The following ZDHHC18 variants were observed in gnomAD, a reference collection of about 807,000 sequenced individuals.
ZDHHC18 encodes zDHHC palmitoyltransferase 18.
Under a neutral mutation model 37.5 loss-of-function variants are expected in ZDHHC18, and 23 were observed. The observed-to-expected ratio is 0.61, with a 90% CI of 0.44 to 0.87. The LOEUF (loss-of-function observed/expected upper bound fraction) is 0.87. Among genes scored for constraint, ZDHHC18 ranks in the 40% least tolerant of loss-of-function variants. The probability of loss-of-function intolerance (pLI) is 0.00; values close to 1 mark genes in which losing one functional copy is unlikely to be tolerated. For missense variants in ZDHHC18, 406 were observed against 525.6 expected (o/e 0.77, Z 2.22); for synonymous variants, 185 against 218.7 (o/e 0.85, Z 1.36).
At chr1:26,828,980 C>A (rs1463009730) in intron 1 of ZDHHC18, among the ~76,000 whole-genome samples, 4 of 152,198 alleles carry the variant, frequency 2.6e-5, no homozygotes, top group African/African-American at 9.7e-5. Context: ...GAAGCAGGAC[C>A]TTCTCTGGGT....
intron 2 of ZDHHC18, among the ~76,000 whole-genome samples, chr1:26,834,478 T>TG (rs554155709): frequency 7.0e-4 from 107 of 152,340 alleles, no homozygotes; most frequent in East Asian, 2.1e-3. Flanking sequence ...CTTCATCCTC[T>TG]TCTCCACTTG....
chr1:26,832,182 G>T, intron 1 of ZDHHC18: 3 of 453,712 alleles, frequency 6.6e-6, no homozygotes. Flanking sequence ...GGATGCAGAG[G>T]TTAGGAGTGC....
intron 2 of ZDHHC18, among the ~76,000 whole-genome samples, chr1:26,839,774 T>G (rs1346502609): frequency 6.6e-6 from 1 of 152,198 alleles, no homozygotes; most frequent in Non-Finnish European, 1.5e-5. Context: ...CTCCAGGTGC[T>G]AACAAGCTGC....
rs376460466 is a variant in ZDHHC18 at position 26,827,825 on chromosome 1, GT to G, written c.335+688del. Among the ~76,000 whole-genome samples, 217 of 151,968 alleles carry G rather than the reference GT, an allele frequency of 1.4e-3. 2 individuals are homozygous for G. The East Asian group carries it at 0.027, about 19-fold the overall frequency. ...TTTCCTTCTCCAGAACCTTCCTTAGGTTCTCCAGAGCTTCCTGTCCTTCCCT... is the reference window on the plus strand; with the variant it reads ...TTTCCTTCTCCAGAACCTTCCTTAGGTCTCCAGAGCTTCCTGTCCTTCCCT... On this transcript the variant is annotated intron_variant, in intron 1 of 7. Coordinates refer to ENST00000374142, the MANE Select transcript of ZDHHC18 (RefSeq NM_032283.3).
At position 26,830,646 on chromosome 1, in the gene ZDHHC18, C is replaced by T. The variant is rs1397668986; in HGVS notation, c.336-1801C>T. 2.6e-5 allele frequency among the ~76,000 whole-genome samples: 4 copies of T among 152,196 alleles called. No homozygotes were observed. In the South Asian group the frequency reaches 8.3e-4, roughly 31 times the overall value. The stretch of plus-strand genomic sequence containing the variant: ...AAGATGGTAGCTATTTTTCTGTCCC[C>T]TGGCAGCAGTTATTTACCGGGTACG... On this transcript the variant is annotated intron_variant, in intron 1 of 7. Coordinates refer to ENST00000374142, the MANE Select transcript of ZDHHC18 (RefSeq NM_032283.3).
chr1:26,831,573 C>T (rs1011006627), intron 1 of ZDHHC18, among the ~76,000 whole-genome samples: 4 of 152,186 alleles, frequency 2.6e-5, no homozygotes, highest in Admixed American at 1.3e-4. Flanking sequence ...GCTTCACTAT[C>T]ATGAAGCCAT....
intron 2 of ZDHHC18, among the ~76,000 whole-genome samples, chr1:26,833,716 C>T (rs2081598203): frequency 1.3e-5 from 2 of 152,216 alleles, no homozygotes; most frequent in South Asian, 4.1e-4. Flanking sequence ...TACTTGCACA[C>T]CTCGGGGGTT....
rs1365078359 is a variant in ZDHHC18, at chr1:26,827,068, C to G, written c.264C>G (p.Ala88=). ...RFYCGGRLML[A]GHGGVFALTL... ...ACTGCGGCGGCCGCCTCATGCTGGC[C>G]GGCCACGGCGGCGTCTTCGCGCTCA... The change falls in exon 1 of 8, where the codon GCC becomes GCG. Residue 88 remains alanine (A), a synonymous_variant. Transcript: ENST00000374142. 1.7e-5 allele frequency: 23 copies of G among 1,381,658 alleles called. No individual in the cohort carries two copies. The highest frequency in any genetic ancestry group is 1.7e-5 in the Non-Finnish European group (18 of 1,068,278). The allele number at this position is 1,381,658 out of a possible 1,614,324, so 85.6% of individuals were successfully genotyped here. A position where few individuals can be genotyped will look rare whatever the true frequency, so the allele number is the denominator to read the frequency against.
intron 2 of ZDHHC18, among the ~76,000 whole-genome samples, chr1:26,841,439 TTTTA>T (rs2081638726): frequency 6.6e-6 from 1 of 152,136 alleles, no homozygotes; most frequent in South Asian, 2.1e-4. Flanking sequence ...TGGCCTTCCA[TTTTA>T]TTTATTTAGC....
At chr1:26,836,064 C>T (rs1182313796) in intron 2 of ZDHHC18, among the ~76,000 whole-genome samples, 9 of 152,174 alleles carry the variant, frequency 5.9e-5, no homozygotes, top group Admixed American at 3.3e-4. Flanking sequence ...CCTGTCTTGC[C>T]GGCTGGTGGG....
chr1:26,840,167 G>A, intron 2 of ZDHHC18, among the ~76,000 whole-genome samples: 1 of 152,186 alleles, frequency 6.6e-6, no homozygotes, highest in East Asian at 1.9e-4. Flanking sequence ...TCTCCCCTGA[G>A]GAAGACCTGT....
In ZDHHC18 at chr1:26,832,486, C is replaced by T; in HGVS notation, c.375C>T (p.Pro125=). The part of the protein sequence containing the change: ...YLARKLTLAI[P]IIAAILFFFV... ...CTCGCAAGCTGACCCTTGCCATCCC[C>T]ATCATCGCTGCCATCCTCTTCTTCT... is the stretch of plus-strand genomic sequence containing the variant. Residue 125 remains proline, a synonymous_variant, in exon 2 of 8, where the codon CCC becomes CCT. Coordinates refer to ENST00000374142, the MANE Select transcript of ZDHHC18 (RefSeq NM_032283.3). 6.2e-7 allele frequency: 1 copy of T among 1,614,178 alleles called. No homozygotes were observed. Among genetic ancestry groups the T allele is most frequent in the South Asian group, 1.1e-5 (1 of 91,086 alleles).
At chr1:26,835,707 A>G (rs978289661) in intron 2 of ZDHHC18, among the ~76,000 whole-genome samples, 1 of 151,928 alleles carries the variant, frequency 6.6e-6, no homozygotes, top group Non-Finnish European at 1.5e-5. Flanking sequence ...CTCAAAAAAC[A>G]AAAAAAACCA....
At chr1:26,846,572 C>T (rs139682724) in intron 2 of ZDHHC18, among the ~76,000 whole-genome samples, 74 of 151,398 alleles carry the variant, frequency 4.9e-4, no homozygotes, top group African/African-American at 1.6e-3. Context: ...CCGCCTGCCT[C>T]GGCCTCCCAA....
Position 26,827,152 on chromosome 1 carries a change from G to A in ZDHHC18, c.335+13G>A. On this transcript the variant is annotated intron_variant, in intron 1 of 7. Transcript: ENST00000374142. ...TCTTCGTCTTTGAGTGAGTTCCGCT[G>A]CCTCGGCGCCCCCTCCCAGCCCCCT... is the stretch of plus-strand genomic sequence containing the variant. The A allele has an allele frequency of 7.2e-7, 1 of 1,381,710 alleles. No homozygotes were observed. Among genetic ancestry groups the A allele is most frequent in the Admixed American group, 3.3e-5 (1 of 30,516 alleles). The allele number at this position is 1,381,710 out of a possible 1,614,324, so 85.6% of individuals were successfully genotyped here. A position where few individuals can be genotyped will look rare whatever the true frequency, so the allele number is the denominator to read the frequency against.
At chr1:26,830,127 A>G (rs1238560205) in intron 1 of ZDHHC18, among the ~76,000 whole-genome samples, 1 of 152,164 alleles carries the variant, frequency 6.6e-6, no homozygotes, top group African/African-American at 2.4e-5. Context: ...GATGACGGAG[A>G]CTTCAGAAGC....
chr1:26,847,271 TC>T (rs2081675118), intron 2 of ZDHHC18, among the ~76,000 whole-genome samples: 2 of 152,020 alleles, frequency 1.3e-5, no homozygotes, highest in Admixed American at 6.6e-5. Context: ...AATGGAGTGA[TC>T]CTGGCTCATG....
chr1:26,831,039 C>T (rs897852467), intron 1 of ZDHHC18, among the ~76,000 whole-genome samples: 4 of 152,196 alleles, frequency 2.6e-5, no homozygotes, highest in Non-Finnish European at 4.4e-5. Context: ...ACCTCAGCCT[C>T]CCAAAGTGCT....
At chr1:26,835,371 T>C (rs2081606796) in intron 2 of ZDHHC18, among the ~76,000 whole-genome samples, 1 of 152,214 alleles carries the variant, frequency 6.6e-6, no homozygotes, top group Non-Finnish European at 1.5e-5. Flanking sequence ...GCCAAATTTT[T>C]GGGTGTGACC....
Sources: gnomAD v4.1 joint callset for allele counts (sites outside exome capture counted in the v4.1 genomes callset) on GRCh38, gnomAD v4.1.1 for gene constraint, MANE v1.5 for transcripts, NCBI Gene and HGNC (gene_info 2026-07-23, HGNC 2026-07-21) for gene names.